Variants in SPRY3 observed in about 807,000 individuals in gnomAD.
SPRY3 encodes the protein sprouty RTK signaling antagonist 3.
SPRY3 carries 15 observed loss-of-function variants against 20.2 expected under a neutral mutation model. The observed-to-expected ratio is 0.74, with a 90% CI of 0.50 to 1.14. The LOEUF (loss-of-function observed/expected upper bound fraction) is 1.14. Among genes scored for constraint, SPRY3 ranks in the 50% most tolerant of loss-of-function variants. SPRY3 has a pLI of 0.00. For missense variants in SPRY3, 364 were observed against 363.9 expected, an observed-to-expected ratio of 1.00 and a Z score of 0.00; for synonymous variants, 143 against 136.5, an observed-to-expected ratio of 1.05 and a Z score of -0.33.
chrX:155,776,736 ATAG>A (rs1282651405), exon 4 of SPRY3: 8 of 166,938 alleles, frequency 4.8e-5, no homozygotes, highest in African/African-American at 1.9e-4. Context: ...GGAGAAGTGT[ATAG>A]TAGTACACGG....
exon 4 of SPRY3, chrX:155,773,990 C>T (rs1236014606): frequency 6.2e-7 from 1 of 1,613,972 alleles, no homozygotes; most frequent in Non-Finnish European, 8.5e-7. Flanking sequence ...CAGGCCCTCT[C>T]CAGCCCTTCC....
At chrX:155,709,323 C>T (rs1569381920) in intron 2 of SPRY3, among the ~76,000 whole-genome samples, 1 of 151,706 alleles carries the variant, frequency 6.6e-6, no homozygotes, top group Non-Finnish European at 1.5e-5. Context: ...CACACCCTCA[C>T]TAGCATCTGT....
intron 1 of SPRY3, among the ~76,000 whole-genome samples, chrX:155,632,219 C>CCACA (rs55865452): frequency 0.01 from 1,007 of 98,647 alleles, 8 homozygotes; most frequent in African/African-American, 0.026. Flanking sequence ...TCCACAGCCA[C>CCACA]CACACACACA....
intron 3 of SPRY3, 36 bp from the exon 3 acceptor site, chrX:155,773,730 T>C: frequency 2.1e-6 from 2 of 941,558 alleles, no homozygotes; most frequent in Non-Finnish European, 3.3e-6. Context: ...TATGCCTGTG[T>C]GTTCTCATTT....
exon 4 of SPRY3, chrX:155,776,321 A>C (rs1271908964): frequency 1.2e-5 from 2 of 167,086 alleles, no homozygotes; most frequent in African/African-American, 2.4e-5. Context: ...TCGCCATTGC[A>C]TCTACTCTTT....
At chrX:155,767,673 G>GGA in intron 2 of SPRY3, 1 of 148,514 alleles carries the variant, frequency 6.7e-6, no homozygotes, top group African/African-American at 2.5e-5. Flanking sequence ...AGGAGAAGGG[G>GGA]GAGGAGAAAG....
chrX:155,771,325 C>G (rs886949016), intron 3 of SPRY3, among the ~76,000 whole-genome samples: 1 of 152,126 alleles, frequency 6.6e-6, no homozygotes, highest in Admixed American at 6.5e-5. Context: ...AGCTTTCAAC[C>G]TTCTGGGCAT....
intron 2 of SPRY3, among the ~76,000 whole-genome samples, chrX:155,726,572 A>G (rs1247446761): frequency 1.3e-5 from 2 of 152,078 alleles, no homozygotes; most frequent in African/African-American, 4.8e-5. Context: ...ACCATTATGT[A>G]ATGGCCTTCT....
chrX:155,726,152 G>A lies in SPRY3; in HGVS notation c.-281-41810G>A, dbSNP rs767451655. ...TTTTGAGTGAGTTTATTAATCCTGA[G>A]TTTTAATTTGATTGCACTGTGGTCT... On this transcript the variant is annotated intron_variant, in intron 2 of 3. Coordinates refer to ENST00000675360, the Ensembl canonical transcript of SPRY3. Among the ~76,000 whole-genome samples the A allele has an allele frequency of 1.6e-3, 240 of 152,246 alleles. 1 individual carries two copies. Among genetic ancestry groups the A allele is most frequent in the African/African-American group, 5.6e-3 (232 of 41,546 alleles).
downstream of SPRY3, chrX:155,780,433 C>T (rs1377665278): frequency 6.0e-6 from 1 of 166,820 alleles, no homozygotes; most frequent in Non-Finnish European, 1.5e-5. Context: ...TAATCCTCAT[C>T]TTCAAAGTCT....
exon 4 of SPRY3, chrX:155,774,248 A>G: frequency 6.2e-7 from 1 of 1,614,016 alleles, no homozygotes; most frequent in South Asian, 1.1e-5. Flanking sequence ...CCAAAGGCTG[A>G]TGGTGCTCTG....
At chrX:155,684,650 G>A (rs2068082679) in intron 2 of SPRY3, among the ~76,000 whole-genome samples, 1 of 111,514 alleles carries the variant, frequency 9.0e-6, no homozygotes, top group Non-Finnish European at 1.9e-5. Context: ...CAAACGTGTT[G>A]TAAGGAACTC....
At chrX:155,722,161 G>A (rs1416860632) in intron 2 of SPRY3, among the ~76,000 whole-genome samples, 4 of 152,116 alleles carry the variant, frequency 2.6e-5, no homozygotes, top group Non-Finnish European at 4.4e-5. Context: ...TTAAAATAAT[G>A]GGTTATAAGC....
chrX:155,740,883 T>G (rs2091201331), intron 2 of SPRY3, among the ~76,000 whole-genome samples: 1 of 152,078 alleles, frequency 6.6e-6, no homozygotes, highest in South Asian at 2.1e-4. Context: ...GTGGCTCAGG[T>G]GGGCATCACG....
chrX:155,720,638 A>G (rs945119907), intron 2 of SPRY3, among the ~76,000 whole-genome samples: 27 of 152,132 alleles, frequency 1.8e-4, no homozygotes, highest in African/African-American at 5.6e-4. Flanking sequence ...GTAAGGGAGA[A>G]CAGGAGTTTC....
exon 4 of SPRY3, chrX:155,775,081 G>C (rs1377004702): frequency 1.4e-5 from 5 of 366,232 alleles, no homozygotes; most frequent in Non-Finnish European, 2.6e-5. Context: ...AATACCTCTC[G>C]ATGCAGGCTC....
intron 2 of SPRY3, among the ~76,000 whole-genome samples, chrX:155,669,320 A>G (rs1346253943): frequency 9.0e-6 from 1 of 111,387 alleles, no homozygotes; most frequent in Non-Finnish European, 1.9e-5. Flanking sequence ...TTTTTTGTAT[A>G]GCCACCTTAC....
At position 155,720,600 on chromosome X, in the gene SPRY3, CAG is replaced by C. The variant is rs761644090; in HGVS notation, c.-281-47350_-281-47349del. 3.3e-5 allele frequency among the ~76,000 whole-genome samples: 5 copies of C among 152,126 alleles called. No individual in the cohort carries two copies. In the East Asian group the frequency reaches 7.7e-4, roughly 24 times the overall value. ...CCCCAGCTTCAGGTGGCTCAGAACA[CAG>C]AGAGAGAGAGACTCTATTTGAGAAA... On this transcript the variant is annotated intron_variant, in intron 2 of 3. Transcript: ENST00000675360.
chrX:155,761,231 A>T (rs1232848004), intron 2 of SPRY3, among the ~76,000 whole-genome samples: 1 of 152,150 alleles, frequency 6.6e-6, no homozygotes, highest in Non-Finnish European at 1.5e-5. Context: ...GCCCATTTTG[A>T]CTACCCCATC....
Sources: allele counts gnomAD v4.1 joint callset (sites outside exome capture counted in the v4.1 genomes callset), GRCh38; gene constraint gnomAD v4.1.1; transcripts MANE v1.5; gene names NCBI Gene and HGNC (gene_info 2026-07-23, HGNC 2026-07-21).